TXNRD1: variants seen among roughly 807,000 people sequenced by gnomAD.
TXNRD1 encodes thioredoxin reductase 1, also known as thioredoxin reductase 1, cytoplasmic.
TXNRD1 carries 57 observed loss-of-function variants against 80.3 expected under a neutral mutation model. That is an observed-to-expected ratio of 0.71 (90% CI 0.57 to 0.89). TXNRD1 has a LOEUF of 0.89. TXNRD1 is among the 40% of genes least tolerant of loss of function. TXNRD1 has a pLI of 0.00. For synonymous variants in TXNRD1, 291 were observed against 285.2 expected, an observed-to-expected ratio of 1.02 and a Z score of -0.20; for missense variants, 730 against 803.0, an observed-to-expected ratio of 0.91 and a Z score of 1.10.
At chr12:104,251,497 A>G in intron 1 of TXNRD1, 30 bp from the exon 2 acceptor site, 1 of 1,606,472 alleles carries the variant, frequency 6.2e-7, no homozygotes, top group Non-Finnish European at 8.5e-7. Context: ...CCTTTGTGAT[A>G]ATTACCATCC....
intron 14 of TXNRD1, 57 bp from the exon 15 acceptor site, chr12:104,334,180 T>G: frequency 1.2e-6 from 1 of 823,504 alleles, no homozygotes; most frequent in Non-Finnish European, 1.8e-6. Flanking sequence ...CCATATATGT[T>G]TGACAGACTT....
chr12:104,322,589 A>G (rs2035577309), intron 10 of TXNRD1, among the ~76,000 whole-genome samples: 1 of 151,978 alleles, frequency 6.6e-6, no homozygotes, highest in Non-Finnish European at 1.5e-5. Context: ...CATGTTGGCC[A>G]GGCTGGTCTT....
At chr12:104,303,812 G>A (rs990126788) in intron 4 of TXNRD1, 1 of 1,398,590 alleles carries the variant, frequency 7.2e-7, no homozygotes, top group East Asian at 2.5e-5. Context: ...AGAGATACCC[G>A]TGGCCGGCAT....
intron 3 of TXNRD1, among the ~76,000 whole-genome samples, chr12:104,277,092 T>A (rs2033771503): frequency 6.6e-6 from 1 of 150,924 alleles, no homozygotes; most frequent in Non-Finnish European, 1.5e-5. Flanking sequence ...TACAAAACAT[T>A]TTTTTAAATG....
At chr12:104,246,737 G>T (rs1297865876) in intron 1 of TXNRD1, among the ~76,000 whole-genome samples, 1 of 151,650 alleles carries the variant, frequency 6.6e-6, no homozygotes, top group African/African-American at 2.4e-5. Flanking sequence ...TGACCAGGAT[G>T]GTCTCGATCT....
chr12:104,274,725 AAT>A (rs72420638), intron 3 of TXNRD1, among the ~76,000 whole-genome samples: 34,199 of 150,954 alleles, frequency 0.23, 4,157 homozygotes, highest in Middle Eastern at 0.39. Flanking sequence ...TAATAAAAAA[AAT>A]AATAATAATA....
intron 4 of TXNRD1, among the ~76,000 whole-genome samples, chr12:104,294,065 C>T (rs1429552348): frequency 6.6e-6 from 1 of 152,156 alleles, no homozygotes; most frequent in Admixed American, 6.5e-5. Flanking sequence ...AAGGCAGAGC[C>T]AGGTGTACAG....
At chr12:104,288,850 A>AGCCCCGCCCCCGGCGCAG in intron 3 of TXNRD1, 81 bp from the exon 4 acceptor site, 1 of 1,611,962 alleles carries the variant, frequency 6.2e-7, no homozygotes, top group Non-Finnish European at 8.5e-7. Flanking sequence ...CCGGGACGGA[A>AGCCCCGCCCCCGGCGCAG]GCCCCGCCCC....
intron 1 of TXNRD1, among the ~76,000 whole-genome samples, chr12:104,249,668 G>T (rs1197226785): frequency 6.6e-6 from 1 of 151,980 alleles, no homozygotes; most frequent in Admixed American, 6.6e-5. Context: ...AGGCGCGGTG[G>T]TTCACGCCTG....
chr12:104,325,389 C>A lies in TXNRD1; in HGVS notation c.1268C>A (p.Ser423Tyr). ...GGCCGACTCAGAGTAGTAGCTCAGT[C>A]CACCAATAGTGAGGAAATCATTGAA... ...TPGRLRVVAQ[S>Y]TNSEEIIEGE... Residue 423 changes from serine (S) to tyrosine (Y), a missense_variant, in exon 11 of 17, where the codon TCC (serine) becomes TAC (tyrosine). Transcript: ENST00000525566. 1 of 1,613,294 alleles carries A rather than the reference C, an allele frequency of 6.2e-7. No homozygotes were observed. Among genetic ancestry groups the A allele is most frequent in the Non-Finnish European group, 8.5e-7 (1 of 1,179,566 alleles).
chr12:104,330,731 C>T (rs1050655653), intron 13 of TXNRD1, among the ~76,000 whole-genome samples: 7 of 151,964 alleles, frequency 4.6e-5, no homozygotes, highest in Non-Finnish European at 7.4e-5. Flanking sequence ...AGATTACAGG[C>T]GCCTGCCACC....
At chr12:104,231,169 G>T (rs902584265) in intron 1 of TXNRD1, among the ~76,000 whole-genome samples, 1 of 152,102 alleles carries the variant, frequency 6.6e-6, no homozygotes. Context: ...CTGTCTCTCT[G>T]CCTAAAATAA....
chr12:104,240,306 C>T (rs1277350886), intron 1 of TXNRD1, among the ~76,000 whole-genome samples: 1 of 152,152 alleles, frequency 6.6e-6, no homozygotes, highest in Non-Finnish European at 1.5e-5. Flanking sequence ...TAAAAGAAAT[C>T]TGTTGAAATA....
intron 3 of TXNRD1, among the ~76,000 whole-genome samples, chr12:104,283,365 C>G (rs768449723): frequency 1.3e-5 from 2 of 152,070 alleles, no homozygotes; most frequent in Non-Finnish European, 2.9e-5. Flanking sequence ...GATTCTCCTG[C>G]CTCAACCTCC....
At position 104,304,886 on chromosome 12, in the gene TXNRD1, G is replaced by C. The variant is rs997225109; in HGVS notation, c.415-6404G>C. ...GACTTTACAGGAGTGGAAAAACATTGTGGCAGCTTTTGAAATTTCTGAGGC... is the reference window on the plus strand; with the variant it reads ...GACTTTACAGGAGTGGAAAAACATTCTGGCAGCTTTTGAAATTTCTGAGGC... On this transcript the variant is annotated intron_variant, in intron 4 of 16. Coordinates refer to ENST00000525566, the MANE Select transcript of TXNRD1 (RefSeq NM_001093771.3). 2.5e-6 allele frequency: 4 copies of C among 1,611,428 alleles called. No homozygotes were observed. The African/African-American group carries it at 5.4e-5, about 22-fold the overall frequency.
At chr12:104,254,414 C>T (rs965906582) in intron 2 of TXNRD1, among the ~76,000 whole-genome samples, 2 of 151,554 alleles carry the variant, frequency 1.3e-5, no homozygotes, top group African/African-American at 4.9e-5. Context: ...TACAATTAAT[C>T]CTATCAGTGG....
chr12:104,313,136 G>C (rs541416592), intron 5 of TXNRD1, 109 bp from the exon 6 acceptor site: 3 of 753,220 alleles, frequency 4.0e-6, no homozygotes, highest in Admixed American at 2.6e-5. Context: ...TTAATTATTC[G>C]TTATGCTTTA....
intron 1 of TXNRD1, among the ~76,000 whole-genome samples, chr12:104,222,783 G>A (rs1369405473): frequency 4.6e-5 from 7 of 152,308 alleles, no homozygotes; most frequent in Middle Eastern, 3.4e-3. Flanking sequence ...CCTGAGAGGC[G>A]GAGGTTGCAG....
chr12:104,249,297 C>T (rs1430170611), intron 1 of TXNRD1, among the ~76,000 whole-genome samples: 1 of 152,106 alleles, frequency 6.6e-6, no homozygotes, highest in African/African-American at 2.4e-5. Flanking sequence ...CTTGAGGGCT[C>T]CTAATCACCT....
Sources: gnomAD v4.1 joint callset for allele counts (sites outside exome capture counted in the v4.1 genomes callset) on GRCh38, gnomAD v4.1.1 for gene constraint, MANE v1.5 for transcripts, NCBI Gene and HGNC (gene_info 2026-07-23, HGNC 2026-07-21) for gene names.